Variants in CNTNAP5 observed in about 807,000 individuals in gnomAD.
CNTNAP5 encodes the protein contactin associated protein family member 5.
CNTNAP5 carries 72 observed loss-of-function variants against 150.2 expected under a neutral mutation model. The ratio of observed to expected loss-of-function variants is 0.48; its 90% CI spans 0.40 to 0.58. The LOEUF (loss-of-function observed/expected upper bound fraction) is 0.58, where lower values mean the gene tolerates loss of function less well. CNTNAP5 is among the 20% of genes least tolerant of loss of function. The pLI is 0.00. For missense variants in CNTNAP5, 1,636 were observed against 1,626.2 expected, an observed-to-expected ratio of 1.01 and a Z score of -0.10; for synonymous variants, 672 against 619.8, an observed-to-expected ratio of 1.08 and a Z score of -1.25.
chr2:124,311,344 C>CCTCTCTCT (rs1688825353), intron 3 of CNTNAP5, among the ~76,000 whole-genome samples: 1 of 152,152 alleles, frequency 6.6e-6, no homozygotes, highest in South Asian at 2.1e-4. Context: ...CTCTTTCTAG[C>CCTCTCTCT]TTGCAGACGG....
At chr2:124,467,646 C>A in intron 6 of CNTNAP5, among the ~76,000 whole-genome samples, 1 of 152,028 alleles carries the variant, frequency 6.6e-6, no homozygotes. Context: ...AAAAGAAAAA[C>A]ATCATTATAT....
At chr2:124,719,640 T>C (rs1017170530) in intron 13 of CNTNAP5, among the ~76,000 whole-genome samples, 4 of 152,324 alleles carry the variant, frequency 2.6e-5, no homozygotes, top group Admixed American at 2.6e-4. Flanking sequence ...GTTTCTCTTG[T>C]GGTCCTGTGA....
intron 3 of CNTNAP5, among the ~76,000 whole-genome samples, chr2:124,320,703 T>A (rs1318305616): frequency 6.6e-6 from 1 of 152,192 alleles, no homozygotes. Flanking sequence ...TCCTCATAAT[T>A]AAATTGTCTG....
chr2:124,602,609 T>C (rs1473079695), intron 11 of CNTNAP5, among the ~76,000 whole-genome samples: 2 of 152,068 alleles, frequency 1.3e-5, no homozygotes, highest in African/African-American at 4.8e-5. Context: ...CTCTTCTGCT[T>C]CAGCCTCCTG....
intron 3 of CNTNAP5, among the ~76,000 whole-genome samples, chr2:124,271,897 T>C (rs1465727159): frequency 6.6e-6 from 1 of 152,010 alleles, no homozygotes; most frequent in East Asian, 1.9e-4. Context: ...GTGTTTTTAG[T>C]AGAGATAGGG....
chr2:124,160,309 G>A (rs1558780689), intron 1 of CNTNAP5, among the ~76,000 whole-genome samples: 1 of 152,148 alleles, frequency 6.6e-6, no homozygotes, highest in East Asian at 1.9e-4. Context: ...GGCCTTCAGT[G>A]GATTGAATAA....
chr2:124,752,452 A>G (rs982078733), intron 14 of CNTNAP5, among the ~76,000 whole-genome samples: 1 of 152,124 alleles, frequency 6.6e-6, no homozygotes, highest in Non-Finnish European at 1.5e-5. Flanking sequence ...GCTGAGTGAA[A>G]GTGACACAGC....
At chr2:124,450,077 T>TA (rs1251042044) in intron 6 of CNTNAP5, among the ~76,000 whole-genome samples, 2 of 152,118 alleles carry the variant, frequency 1.3e-5, no homozygotes, top group African/African-American at 4.8e-5. Context: ...CAACGTTGCA[T>TA]ATCAATTAGA....
intron 1 of CNTNAP5, among the ~76,000 whole-genome samples, chr2:124,067,587 G>A (rs1682192945): frequency 6.6e-6 from 1 of 152,156 alleles, no homozygotes; most frequent in East Asian, 1.9e-4. Context: ...TTTGCCATAG[G>A]GGATAAATTT....
intron 11 of CNTNAP5, among the ~76,000 whole-genome samples, chr2:124,587,759 C>T (rs1200022949): frequency 1.3e-5 from 2 of 152,036 alleles, no homozygotes; most frequent in African/African-American, 2.4e-5. Context: ...GGAAAGACCT[C>T]AGGTGGTAAG....
intron 8 of CNTNAP5, among the ~76,000 whole-genome samples, chr2:124,512,758 T>A (rs1694621926): frequency 6.6e-6 from 1 of 152,160 alleles, no homozygotes; most frequent in Admixed American, 6.5e-5. Flanking sequence ...ATTTAAGCCA[T>A]CCTTTTTATC....
At chr2:124,790,604 G>A (rs1681704828) in intron 18 of CNTNAP5, among the ~76,000 whole-genome samples, 1 of 152,176 alleles carries the variant, frequency 6.6e-6, no homozygotes, top group South Asian at 2.1e-4. Flanking sequence ...TGTATTTGGT[G>A]AAATCTCTCT....
chr2:124,335,190 G>T (rs1689441805), intron 3 of CNTNAP5, among the ~76,000 whole-genome samples: 1 of 152,098 alleles, frequency 6.6e-6, no homozygotes, highest in African/African-American at 2.4e-5. Context: ...CATTGGGTAG[G>T]CACTTCTGGT....
At chr2:124,125,771 G>T (rs969058061) in intron 1 of CNTNAP5, among the ~76,000 whole-genome samples, 1 of 152,070 alleles carries the variant, frequency 6.6e-6, no homozygotes, top group Non-Finnish European at 1.5e-5. Flanking sequence ...ACTCAAAACC[G>T]CTCAACTATA....
At chr2:124,587,937 G>A (rs1234804081) in intron 11 of CNTNAP5, among the ~76,000 whole-genome samples, 1 of 152,108 alleles carries the variant, frequency 6.6e-6, no homozygotes, top group Non-Finnish European at 1.5e-5. Context: ...TCTGGGAAAA[G>A]GTAAATTTAT....
rs71394021 is a variant in CNTNAP5 at position 124,084,924 on chromosome 2, G to GTTTTTTTTTTTTTTTTTTTTT, written c.82+59207_82+59208insTTTTTTTTTTTTTTTTTTTTT. On this transcript the variant is annotated intron_variant, in intron 1 of 23. Transcript: ENST00000682447. ...TAAAAATTATGAATTCAAGTTTCCTGTTTTTTTTTTTTTTTGAGACGGAGT... is the reference window on the plus strand; with the variant it reads ...TAAAAATTATGAATTCAAGTTTCCTGTTTTTTTTTTTTTTTTTTTTTTTTTTTTTTTTTTTTGAGACGGAGT... 1.2e-4 allele frequency among the ~76,000 whole-genome samples: 11 copies of GTTTTTTTTTTTTTTTTTTTTT among 89,994 alleles called. 2 individuals are homozygous for GTTTTTTTTTTTTTTTTTTTTT. The highest frequency in any genetic ancestry group is 3.5e-4 in the Admixed American group (2 of 5,756). The allele number at this position is 89,994 out of a possible 152,430, so 59.0% of individuals were successfully genotyped here. A position where few individuals can be genotyped will look rare whatever the true frequency, so the allele number is the denominator to read the frequency against.
At chr2:124,213,708 A>T (rs1376097251) in intron 1 of CNTNAP5, among the ~76,000 whole-genome samples, 1 of 152,198 alleles carries the variant, frequency 6.6e-6, no homozygotes, top group African/African-American at 2.4e-5. Context: ...GAAAAGAATA[A>T]AGCAAAACAG....
chr2:124,721,500 A>AATAAATAAATAAATAC (rs1553435284), intron 13 of CNTNAP5, among the ~76,000 whole-genome samples: 241 of 148,168 alleles, frequency 1.6e-3, no homozygotes, highest in African/African-American at 5.4e-3. Flanking sequence ...TAAATAAATA[A>AATAAATAAATAAATAC]ATAAATAAAT....
intron 3 of CNTNAP5, among the ~76,000 whole-genome samples, chr2:124,382,912 T>C (rs1690834556): frequency 6.6e-6 from 1 of 152,172 alleles, no homozygotes; most frequent in Non-Finnish European, 1.5e-5. Flanking sequence ...TTTTTTTTCT[T>C]TTAAAGTGTT....
Sources: gnomAD v4.1 joint callset for allele counts (sites outside exome capture counted in the v4.1 genomes callset) on GRCh38, gnomAD v4.1.1 for gene constraint, MANE v1.5 for transcripts, NCBI Gene and HGNC (gene_info 2026-07-23, HGNC 2026-07-21) for gene names.